FAM180A: variants seen among roughly 807,000 people sequenced by gnomAD.
FAM180A encodes protein FAM180A.
A neutral mutation model predicts 15.3 loss-of-function variants in FAM180A; 14 were observed. The ratio of observed to expected loss-of-function variants is 0.92; its 90% CI spans 0.61 to 1.43. The LOEUF is 1.43. Among genes scored for constraint, FAM180A ranks in the 40% most tolerant of loss-of-function variants. The probability of loss-of-function intolerance (pLI) is 0.00; values close to 1 mark genes in which losing one functional copy is unlikely to be tolerated. For synonymous variants in FAM180A, 90 were observed against 96.8 expected, an observed-to-expected ratio of 0.93 and a Z score of 0.41; for missense variants, 200 against 220.8, an observed-to-expected ratio of 0.91 and a Z score of 0.60.
chr7:135,741,029 G>A (rs1427353665), intron 1 of FAM180A, among the ~76,000 whole-genome samples: 2 of 151,950 alleles, frequency 1.3e-5, no homozygotes, highest in African/African-American at 2.4e-5. Context: ...GAATGTCAGG[G>A]CGTGGAGCCC....
Position 135,748,607 on chromosome 7 carries a change from A to G in FAM180A, c.-27T>C. ...TTGTCCTTCAAAAGGTGAAAAATCG[A>G]CCCTCAAGCCCAGTGGAACCCCAGT... On this transcript the variant is annotated 5_prime_UTR_variant, in exon 1 of 4. Coordinates refer to ENST00000338588, the MANE Select transcript of FAM180A (RefSeq NM_205855.4). 3 of 1,597,970 alleles carry G rather than the reference A, an allele frequency of 1.9e-6. No individual in the cohort carries two copies. Among genetic ancestry groups the G allele is most frequent in the Non-Finnish European group, 2.6e-6 (3 of 1,165,434 alleles).
Position 135,748,570 on chromosome 7 carries a change from T to C in FAM180A, c.11A>G (p.Lys4Arg), listed in dbSNP as rs748245152. 5.6e-6 allele frequency: 9 copies of C among 1,613,920 alleles called. No individual in the cohort carries two copies. The highest frequency in any genetic ancestry group is 5.0e-5 in the Admixed American group (3 of 60,002). MHW[K>R]MLLLLLLYYN... ...ATACAACAGCAGAAGCAGCAACATC[T>C]TCCAATGCATCTTGTCCTTCAAAAG... is the stretch of plus-strand genomic sequence containing the variant. The change falls in exon 1 of 4, where the codon AAG (lysine) becomes AGG (arginine). Residue 4 changes from lysine (K) to arginine (R), a missense_variant. Physicochemically the swap from Lys to Arg is conservative, Grantham distance 26. Transcript: ENST00000338588.
rs1446619209 is a variant in FAM180A at position 135,746,489 on chromosome 7, C to A, written c.76+2016G>T. Among the ~76,000 whole-genome samples the A allele has an allele frequency of 3.3e-5, 5 of 152,110 alleles. No individual in the cohort carries two copies. In the East Asian group the frequency reaches 5.8e-4, roughly 18 times the overall value. The stretch of plus-strand genomic sequence containing the variant: ...AAGAGACTTGTCTGAGATCACATTG[C>A]CAAATAGAGATGGAACTTAAACCAG... On this transcript the variant is annotated intron_variant, in intron 1 of 3. Coordinates refer to ENST00000338588, the MANE Select transcript of FAM180A (RefSeq NM_205855.4).
At chr7:135,734,399 CT>C in intron 2 of FAM180A, 80 bp from the exon 3 acceptor site, 1 of 1,331,894 alleles carries the variant, frequency 7.5e-7, no homozygotes, top group Non-Finnish European at 1.0e-6. Context: ...CGCACCTTCC[CT>C]TAGGGAGGCA....
rs1004663487 is a variant in FAM180A, at chr7:135,743,480, G to A, written c.76+5025C>T. Among the ~76,000 whole-genome samples the A allele has an allele frequency of 1.4e-4, 21 of 152,276 alleles. No individual in the cohort carries two copies. In the South Asian group the frequency reaches 3.9e-3, roughly 29 times the overall value. ...GATCCTCCTGCCTCAGCCTCTGAAA[G>A]TGCTGGGATTACAGGTGTGAGTCAC... On this transcript the variant is annotated intron_variant, in intron 1 of 3. Transcript: ENST00000338588.
At position 135,733,947 on chromosome 7, in the gene FAM180A, C is replaced by T. The variant is rs1304147090; in HGVS notation, c.*28G>A. ...TTCTGGATTACTGTGCTGGTCCCTG[C>T]TCTGAGGTCCTGGTGTGGGCCAGTC... On this transcript the variant is annotated 3_prime_UTR_variant, in exon 3 of 4. Coordinates refer to ENST00000338588, the MANE Select transcript of FAM180A (RefSeq NM_205855.4). 6 of 1,555,228 alleles carry T rather than the reference C, an allele frequency of 3.9e-6. No homozygotes were observed. In the African/African-American group the frequency reaches 5.5e-5, roughly 14 times the overall value.
intron 2 of FAM180A, among the ~76,000 whole-genome samples, chr7:135,736,291 G>A (rs1427148435): frequency 6.6e-6 from 1 of 152,224 alleles, no homozygotes; most frequent in Non-Finnish European, 1.5e-5. Context: ...AAAGTGCTGG[G>A]ATTACAGGCG....
At chr7:135,745,578 G>C (rs1457533048) in intron 1 of FAM180A, among the ~76,000 whole-genome samples, 1 of 152,042 alleles carries the variant, frequency 6.6e-6, no homozygotes, top group Non-Finnish European at 1.5e-5. Flanking sequence ...AAACTGGTGG[G>C]GCTGGAATGG....
chr7:135,729,606 T>A lies in FAM180A; in HGVS notation c.*1005A>T. On this transcript the variant is annotated 3_prime_UTR_variant, in exon 4 of 4. Coordinates refer to ENST00000338588, the MANE Select transcript of FAM180A (RefSeq NM_205855.4). ...GATAACAAAGATTCCAGTGAGCAACTCAATCATGACATCTTTATTATACCA... is the reference window on the plus strand; with the variant it reads ...GATAACAAAGATTCCAGTGAGCAACACAATCATGACATCTTTATTATACCA... 1 of 984,844 alleles carries A rather than the reference T, an allele frequency of 1.0e-6. No homozygotes were observed. The allele number at this position is 984,844 out of a possible 1,614,324, so 61.0% of individuals were successfully genotyped here. A position where few individuals can be genotyped will look rare whatever the true frequency, so the allele number is the denominator to read the frequency against.
chr7:135,744,448 T>C (rs1796999752), intron 1 of FAM180A, among the ~76,000 whole-genome samples: 1 of 152,242 alleles, frequency 6.6e-6, no homozygotes, highest in Non-Finnish European at 1.5e-5. Context: ...AAAGATCTTT[T>C]GCCAGATCTG....
chr7:135,734,240 GCCTTCCGCAAGGAGGCCAGCTCCTCGT>G lies in FAM180A; in HGVS notation c.230_256del (p.Asp77_Lys85del). 8 of 1,614,220 alleles carry G rather than the reference GCCTTCCGCAAGGAGGCCAGCTCCTCGT, an allele frequency of 5.0e-6. No individual in the cohort carries two copies. The highest frequency in any genetic ancestry group is 5.9e-6 in the Non-Finnish European group (7 of 1,180,036). ...GTTGCAGACGGTGCGGAAGTCTGAG[GCCTTCCGCAAGGAGGCCAGCTCCTCGT>G]CCTTGATGGAGATCTGCAGGTCAGG... On this transcript the variant is annotated inframe_deletion, in exon 3 of 4. Transcript: ENST00000338588.
rs981782264 is a variant in FAM180A at position 135,732,740 on chromosome 7, C to A, written c.*329+906G>T. On this transcript the variant is annotated intron_variant, in intron 3 of 3. Coordinates refer to ENST00000338588, the MANE Select transcript of FAM180A (RefSeq NM_205855.4). ...ACACACACACACACACACACACACA[C>A]AAGAATGTTTGAATGATGATCTTAC... 8.7e-5 allele frequency among the ~76,000 whole-genome samples: 12 copies of A among 138,182 alleles called. No individual in the cohort carries two copies. In the South Asian group the frequency reaches 9.3e-4, roughly 11 times the overall value. The allele number at this position is 138,182 out of a possible 152,430, so 90.7% of individuals were successfully genotyped here.
chr7:135,748,012 C>T (rs553478254), intron 1 of FAM180A, among the ~76,000 whole-genome samples: 6 of 152,298 alleles, frequency 3.9e-5, no homozygotes, highest in Middle Eastern at 3.4e-3. Context: ...TTGCTCTCCT[C>T]ACCTGCCCAC....
Position 135,740,959 on chromosome 7 carries a change from CA to C in FAM180A, c.77-3761del, listed in dbSNP as rs369143910. Reference sequence around the variant, plus strand: ...AAGGTATTATTCCCTTAAAAAAAAACAAAACAAAACAAAACAAAAAAAAAAA... The same window carrying C: ...AAGGTATTATTCCCTTAAAAAAAAACAAACAAAACAAAACAAAAAAAAAAA... On this transcript the variant is annotated intron_variant, in intron 1 of 3. Transcript: ENST00000338588. Among the ~76,000 whole-genome samples the C allele has an allele frequency of 4.9e-3, 194 of 39,852 alleles. 1 individual carries two copies. In the East Asian group the frequency reaches 0.06, roughly 12 times the overall value. 26.1% of individuals were successfully genotyped at this position (39,852 alleles called of 152,430 possible).
Position 135,734,270 on chromosome 7 carries a change from T to C in FAM180A, c.227A>G (p.Lys76Arg). Reference sequence around the variant, plus strand: ...CCGCAAGGAGGCCAGCTCCTCGTCCTTGATGGAGATCTGCAGGTCAGGGCT... The same window carrying C: ...CCGCAAGGAGGCCAGCTCCTCGTCCCTGATGGAGATCTGCAGGTCAGGGCT... ...EISPDLQISI[K>R]DEELASLRKA... Residue 76 changes from lysine to arginine, a missense_variant, in exon 3 of 4, where the codon AAG becomes AGG. Coordinates refer to ENST00000338588, the MANE Select transcript of FAM180A (RefSeq NM_205855.4). The C allele has an allele frequency of 1.2e-6, 2 of 1,613,674 alleles. No individual in the cohort carries two copies. The highest frequency in any genetic ancestry group is 1.7e-6 in the Non-Finnish European group (2 of 1,179,688).
At chr7:135,739,156 A>G (rs540410145) in intron 1 of FAM180A, among the ~76,000 whole-genome samples, 6 of 152,018 alleles carry the variant, frequency 3.9e-5, no homozygotes, top group African/African-American at 1.4e-4. Flanking sequence ...CTAAAAATAC[A>G]AAAGTTAGCT....
intron 2 of FAM180A, among the ~76,000 whole-genome samples, chr7:135,735,903 A>G (rs922731067): frequency 6.6e-6 from 1 of 150,778 alleles, no homozygotes; most frequent in African/African-American, 2.4e-5. Flanking sequence ...AGGTTTCACC[A>G]TGTTGGCCAG....
intron 1 of FAM180A, among the ~76,000 whole-genome samples, chr7:135,737,707 A>G (rs1796892927): frequency 6.6e-6 from 1 of 152,078 alleles, no homozygotes; most frequent in African/African-American, 2.4e-5. Flanking sequence ...GCTCTCAGTC[A>G]TATCAGACCA....
chr7:135,748,152 T>G (rs1385027056), intron 1 of FAM180A, among the ~76,000 whole-genome samples: 1 of 152,188 alleles, frequency 6.6e-6, no homozygotes, highest in Non-Finnish European at 1.5e-5. Flanking sequence ...GCAGCAGGTC[T>G]CAGCACCTGC....
Sources: gnomAD v4.1 joint callset for allele counts (sites outside exome capture counted in the v4.1 genomes callset) on GRCh38, gnomAD v4.1.1 for gene constraint, MANE v1.5 for transcripts, NCBI Gene and HGNC (gene_info 2026-07-23, HGNC 2026-07-21) for gene names.